LRBA: variants seen among roughly 807,000 people sequenced by gnomAD.
LRBA encodes the protein lipopolysaccharide-responsive and beige-like anchor protein.
Under a neutral mutation model 330.0 loss-of-function variants are expected in LRBA, and 176 were observed. The observed-to-expected ratio is 0.53, with a 90% CI of 0.47 to 0.60. The LOEUF is 0.60. Among genes scored for constraint, LRBA ranks in the 20% least tolerant of loss-of-function variants. The probability of loss-of-function intolerance (pLI) is 0.00; values close to 1 mark genes in which losing one functional copy is unlikely to be tolerated. For missense variants in LRBA, 3,259 were observed against 3,444.8 expected (o/e 0.95, Z 1.35); for synonymous variants, 1,230 against 1,193.0 (o/e 1.03, Z -0.64).
At chr4:150,740,684 A>T (rs1731832982) in intron 35 of LRBA, among the ~76,000 whole-genome samples, 1 of 151,658 alleles carries the variant, frequency 6.6e-6, no homozygotes, top group Non-Finnish European at 1.5e-5. Context: ...AAAAAAGTAT[A>T]CCATGTTCAT....
intron 36 of LRBA, 135 bp downstream of exon 36, chr4:150,735,123 T>A: frequency 1.5e-6 from 1 of 674,574 alleles, no homozygotes; most frequent in Non-Finnish European, 2.7e-6. Flanking sequence ...CCCATGACTC[T>A]CCTATAAACC....
chr4:150,313,216 T>C (rs1731286485), intron 51 of LRBA, among the ~76,000 whole-genome samples: 1 of 152,068 alleles, frequency 6.6e-6, no homozygotes, highest in Non-Finnish European at 1.5e-5. Flanking sequence ...AAAGTAATAA[T>C]GTGAAATTTC....
chr4:150,661,051 C>T (rs1392947399), intron 37 of LRBA, among the ~76,000 whole-genome samples: 1 of 104,582 alleles, frequency 9.6e-6, no homozygotes, highest in African/African-American at 4.0e-5. Flanking sequence ...TGAGAAACAC[C>T]CAAGAATTAT....
intron 40 of LRBA, among the ~76,000 whole-genome samples, chr4:150,523,495 T>A (rs1312259846): frequency 3.9e-5 from 6 of 152,098 alleles, no homozygotes; most frequent in African/African-American, 1.2e-4. Flanking sequence ...AGAACTATAA[T>A]AAATTTCTGT....
chr4:150,681,786 A>G (rs556026295), intron 37 of LRBA, among the ~76,000 whole-genome samples: 10 of 152,316 alleles, frequency 6.6e-5, no homozygotes, highest in Admixed American at 3.9e-4. Flanking sequence ...AAATATTAAA[A>G]TTTCAAAATT....
intron 35 of LRBA, among the ~76,000 whole-genome samples, chr4:150,757,974 G>A (rs1734539499): frequency 6.6e-6 from 1 of 152,112 alleles, no homozygotes; most frequent in African/African-American, 2.4e-5. Context: ...AAAAATCAGA[G>A]AAAGGGTACT....
At chr4:150,418,144 A>C (rs987267932) in intron 46 of LRBA, among the ~76,000 whole-genome samples, 1 of 151,842 alleles carries the variant, frequency 6.6e-6, no homozygotes, top group African/African-American at 2.4e-5. Context: ...TAGCCTCCCA[A>C]GTGGCTAGGA....
At chr4:150,642,871 A>C (rs1322009548) in intron 37 of LRBA, among the ~76,000 whole-genome samples, 2 of 151,886 alleles carry the variant, frequency 1.3e-5, no homozygotes, top group Non-Finnish European at 3.0e-5. Flanking sequence ...AATTACTCTC[A>C]AAGAAAAAAT....
intron 36 of LRBA, among the ~76,000 whole-genome samples, chr4:150,704,987 T>C: frequency 6.6e-6 from 1 of 152,206 alleles, no homozygotes; most frequent in East Asian, 1.9e-4. Flanking sequence ...AATGTAATAA[T>C]TGTAATATTG....
rs573588344 is a variant in LRBA at position 150,464,942 on chromosome 4, G to A, written c.6780+2731C>T. Among the ~76,000 whole-genome samples the A allele has an allele frequency of 2.0e-5, 3 of 152,118 alleles. No homozygotes were observed. In the South Asian group the frequency reaches 6.2e-4, roughly 32 times the overall value. On this transcript the variant is annotated intron_variant, in intron 44 of 56. Coordinates refer to ENST00000651943, the MANE Select transcript of LRBA (RefSeq NM_001364905.1). ...CATAACATAAACGTACAGTTCGGTAGTATTAAATACATTCACATTGTTGAA... is the reference window on the plus strand; with the variant it reads ...CATAACATAAACGTACAGTTCGGTAATATTAAATACATTCACATTGTTGAA...
intron 47 of LRBA, among the ~76,000 whole-genome samples, chr4:150,372,202 TTA>T (rs1366291688): frequency 6.6e-6 from 1 of 152,126 alleles, no homozygotes; most frequent in Non-Finnish European, 1.5e-5. Context: ...TGCTTACTAT[TTA>T]TTTGAGTACT....
At chr4:150,563,918 A>C (rs888825196) in intron 40 of LRBA, among the ~76,000 whole-genome samples, 4 of 152,212 alleles carry the variant, frequency 2.6e-5, no homozygotes, top group Non-Finnish European at 4.4e-5. Flanking sequence ...TTCCATGCTC[A>C]TGGATAGGAA....
At chr4:150,921,341 TA>T (rs751178702) in intron 4 of LRBA, 48 bp from the exon 5 acceptor site, 56 of 1,090,504 alleles carry the variant, frequency 5.1e-5, no homozygotes, top group South Asian at 3.6e-4. Flanking sequence ...TACCATAAGA[TA>T]AAAAAAACAC....
intron 56 of LRBA, among the ~76,000 whole-genome samples, chr4:150,269,984 A>G (rs963400345): frequency 6.6e-6 from 1 of 152,210 alleles, no homozygotes; most frequent in Non-Finnish European, 1.5e-5. Context: ...GCATCTAAGG[A>G]TATTAGGAAG....
At chr4:150,458,849 T>C (rs75457767) in intron 44 of LRBA, among the ~76,000 whole-genome samples, 2,694 of 151,946 alleles carry the variant, frequency 0.018, 84 homozygotes, top group African/African-American at 0.06. Context: ...GGTTTTGTTT[T>C]GATTTTCTAT....
chr4:150,554,309 T>C (rs998132487), intron 40 of LRBA, among the ~76,000 whole-genome samples: 1 of 152,178 alleles, frequency 6.6e-6, no homozygotes, highest in Admixed American at 6.5e-5. Flanking sequence ...TTCTTCCCCT[T>C]AATTTCAAAG....
chr4:150,323,789 T>C (rs1232988430), intron 49 of LRBA, among the ~76,000 whole-genome samples: 1 of 152,188 alleles, frequency 6.6e-6, no homozygotes, highest in Non-Finnish European at 1.5e-5. Flanking sequence ...TAGGCTACTC[T>C]GCAGTGACAG....
At chr4:150,501,439 C>A (rs888046360) in intron 40 of LRBA, among the ~76,000 whole-genome samples, 1 of 152,012 alleles carries the variant, frequency 6.6e-6, no homozygotes, top group African/African-American at 2.4e-5. Context: ...AGCAAAACCC[C>A]GTCTCTGCTA....
At chr4:150,770,247 A>C (rs767882995) in intron 34 of LRBA, among the ~76,000 whole-genome samples, 7 of 152,092 alleles carry the variant, frequency 4.6e-5, no homozygotes, top group Non-Finnish European at 8.8e-5. Context: ...CGGGCCTTTA[A>C]GTTTTAGACA....
Sources: gnomAD v4.1 joint callset for allele counts (sites outside exome capture counted in the v4.1 genomes callset) on GRCh38, gnomAD v4.1.1 for gene constraint, MANE v1.5 for transcripts, NCBI Gene and HGNC (gene_info 2026-07-23, HGNC 2026-07-21) for gene names.